Variants in AXL observed in about 807,000 individuals in gnomAD.
The protein encoded by AXL is tyrosine-protein kinase receptor UFO.
AXL carries 52 observed loss-of-function variants against 104.5 expected under a neutral mutation model. The observed-to-expected ratio is 0.50, with a 90% CI of 0.40 to 0.63. The LOEUF is 0.63. Ranked by LOEUF, AXL falls within the 20% of genes least tolerant of loss-of-function variation. AXL has a pLI of 0.00. For synonymous variants in AXL, 455 were observed against 473.7 expected (o/e 0.96, Z 0.51); for missense variants, 1,024 against 1,188.5 (o/e 0.86, Z 2.04).
intron 14 of AXL, among the ~76,000 whole-genome samples, chr19:41,251,945 C>T (rs1163518691): frequency 6.6e-6 from 1 of 151,000 alleles, no homozygotes; most frequent in African/African-American, 2.4e-5. Context: ...AACCCCGTCT[C>T]TACTAAAAAT....
intron 4 of AXL, among the ~76,000 whole-genome samples, chr19:41,229,985 G>A (rs1334713060): frequency 1.3e-5 from 2 of 152,066 alleles, no homozygotes; most frequent in African/African-American, 4.8e-5. Flanking sequence ...GTGTGTCTGT[G>A]TATGCTTTTG....
In AXL at chr19:41,219,451, G is replaced by T; in HGVS notation, c.59G>T (p.Cys20Phe). 7 of 1,606,902 alleles carry T rather than the reference G, an allele frequency of 4.4e-6. No individual in the cohort carries two copies. The highest frequency in any genetic ancestry group is 5.9e-6 in the Non-Finnish European group (7 of 1,176,994). Residue 20 changes from cysteine (C) to phenylalanine (F), a missense_variant, in exon 1 of 20, where the codon TGC becomes TTC. Coordinates refer to ENST00000301178, the MANE Select transcript of AXL (RefSeq NM_021913.5). ...CCGCTGGCCTGGTGCTTGGCGCTGT[G>T]CGGCTGGGCGTGCATGGCCCCCAGG... ...RVPLAWCLAL[C>F]GWACMAPRGT...
chr19:41,219,565 G>A, intron 1 of AXL, 88 bp downstream of exon 1: 2 of 1,443,552 alleles, frequency 1.4e-6, no homozygotes, highest in Non-Finnish European at 9.5e-7. Context: ...AGGTGTGGGG[G>A]GCCTGGGCTG....
At position 41,259,547 on chromosome 19, in the gene AXL, C is replaced by A; in HGVS notation, c.2334-6C>A. 1.9e-6 allele frequency: 3 copies of A among 1,588,054 alleles called. No homozygotes were observed. The highest frequency in any genetic ancestry group is 2.6e-6 in the Non-Finnish European group (3 of 1,165,534). Reference sequence around the variant, plus strand: ...CAATCTCCCACCCCTCATTTTGCTGCCCTAGGTATGCCTTGATGTCGCGGT... The same window carrying A: ...CAATCTCCCACCCCTCATTTTGCTGACCTAGGTATGCCTTGATGTCGCGGT... On this transcript the variant is annotated splice_region_variant and splice_polypyrimidine_tract_variant and intron_variant, in intron 19 of 19. Coordinates refer to ENST00000301178, the MANE Select transcript of AXL (RefSeq NM_021913.5).
In AXL at chr19:41,257,523, G is replaced by A. The variant is rs766261407; in HGVS notation, c.2227G>A (p.Ala743Thr). The change falls in exon 19 of 20, where the codon GCC becomes ACC. Residue 743 changes from alanine to threonine, a missense_variant. Ala to Thr is a moderately conservative substitution (Grantham distance 58). This residue lies in a region of AXL where 523 missense variants were observed against 636.0 expected (regional missense o/e 0.82). Transcript: ENST00000301178. ...WSFGVTMWEI[A>T]TRGQTPYPGV... ...CTTCGGGGTGACAATGTGGGAGATT[G>A]CCACAAGAGGCCAAACCCCATATCC... is the stretch of plus-strand genomic sequence containing the variant. 1 of 1,613,986 alleles carries A rather than the reference G, an allele frequency of 6.2e-7. No homozygotes were observed. Among genetic ancestry groups the A allele is most frequent in the African/African-American group, 1.3e-5 (1 of 74,894 alleles).
chr19:41,243,478 G>GCC (rs774825234), intron 11 of AXL, 138 bp from the exon 12 acceptor site: 11 of 745,768 alleles, frequency 1.5e-5, no homozygotes, highest in Non-Finnish European at 2.4e-5. Flanking sequence ...GAAGGTAGCT[G>GCC]CCCAAGGCAT....
At chr19:41,234,634 C>T (rs1474384645) in intron 6 of AXL, among the ~76,000 whole-genome samples, 2 of 152,142 alleles carry the variant, frequency 1.3e-5, no homozygotes, top group African/African-American at 4.8e-5. Flanking sequence ...GTCATTAAAC[C>T]TTATACCCTG....
Position 41,253,597 on chromosome 19 carries a change from AGTACCT to A in AXL, c.1927_1932del (p.Tyr643_Leu644del). The A allele has an allele frequency of 1.2e-6, 2 of 1,612,148 alleles. No homozygotes were observed. The highest frequency in any genetic ancestry group is 1.7e-6 in the Non-Finnish European group (2 of 1,178,904). On this transcript the variant is annotated splice_acceptor_variant and coding_sequence_variant, in exon 17 of 20. Transcript: ENST00000301178. LOFTEE classifies it high-confidence loss of function. ...CTCCTCCCACCTGCCTTGGCTCCCC[AGTACCT>A]GCCCACTCAGATGCTAGTGAAGTTC...
At chr19:41,223,532 C>G (rs952285258) in intron 4 of AXL, among the ~76,000 whole-genome samples, 4 of 152,158 alleles carry the variant, frequency 2.6e-5, no homozygotes, top group Non-Finnish European at 1.5e-5. Context: ...AGGCTGCAGC[C>G]TGGAGGGCAT....
chr19:41,247,920 A>G (rs1300413544), intron 12 of AXL, among the ~76,000 whole-genome samples: 2 of 145,740 alleles, frequency 1.4e-5, no homozygotes, highest in Non-Finnish European at 3.0e-5. Context: ...ATTTTATTTT[A>G]TTTTATTTTA....
At chr19:41,257,201 G>A (rs947929444) in intron 18 of AXL, among the ~76,000 whole-genome samples, 9 of 152,092 alleles carry the variant, frequency 5.9e-5, no homozygotes, top group East Asian at 1.9e-4. Context: ...CCACCACCAT[G>A]CCTAGCTAAT....
At chr19:41,251,745 C>T (rs991961946) in intron 14 of AXL, among the ~76,000 whole-genome samples, 2 of 150,448 alleles carry the variant, frequency 1.3e-5, no homozygotes, top group African/African-American at 4.9e-5. Context: ...AAAACAAAAA[C>T]AAAACAAAAC....
chr19:41,225,996 T>G (rs564246381), intron 4 of AXL, among the ~76,000 whole-genome samples: 1 of 152,162 alleles, frequency 6.6e-6, no homozygotes, highest in South Asian at 2.1e-4. Context: ...TCAGGACATC[T>G]GGAAAGCACA....
At position 41,225,414 on chromosome 19, in the gene AXL, G is replaced by A. The variant is rs530793263; in HGVS notation, c.586+3358G>A. 3.9e-5 allele frequency among the ~76,000 whole-genome samples: 6 copies of A among 152,324 alleles called. No individual in the cohort carries two copies. The South Asian group carries it at 1.0e-3, about 26-fold the overall frequency. ...TTGGCTGTGAGGTGTACGCGTCGGT[G>A]TGTCTGTGTCTGAGCAGGTCAAAAT... On this transcript the variant is annotated intron_variant, in intron 4 of 19. Coordinates refer to ENST00000301178, the MANE Select transcript of AXL (RefSeq NM_021913.5).
chr19:41,220,674 G>C lies in AXL; in HGVS notation c.124G>C (p.Gly42Arg), dbSNP rs2122195321. 1.9e-6 allele frequency: 3 copies of C among 1,606,854 alleles called. No individual in the cohort carries two copies. Among genetic ancestry groups the C allele is most frequent in the Non-Finnish European group, 2.5e-6 (3 of 1,176,820 alleles). Residue 42 changes from glycine (G) to arginine (R), a missense_variant, in exon 2 of 20, where the codon GGG (glycine) becomes CGG (arginine). Physicochemically the swap from Gly to Arg is moderately radical, Grantham distance 125 (BLOSUM62 -2). Transcript: ENST00000301178. ...AEESPFVGNP[G>R]NITGARGLTG... The stretch of plus-strand genomic sequence containing the variant: ...AGAAAGTCCCTTCGTGGGCAACCCA[G>C]GGAATATCACAGGTGCCCGGGGACT...
chr19:41,224,957 T>G (rs1385632339), intron 4 of AXL, among the ~76,000 whole-genome samples: 1 of 152,234 alleles, frequency 6.6e-6, no homozygotes, highest in Non-Finnish European at 1.5e-5. Context: ...TCCATCCTTG[T>G]GTGTCTGCAT....
chr19:41,258,871 G>T (rs1435351649), intron 19 of AXL, among the ~76,000 whole-genome samples: 1 of 152,216 alleles, frequency 6.6e-6, no homozygotes, highest in Non-Finnish European at 1.5e-5. Flanking sequence ...TTTGGTTCAG[G>T]ATCTCTAATG....
chr19:41,258,892 G>A (rs566873596), intron 19 of AXL, among the ~76,000 whole-genome samples: 1 of 152,334 alleles, frequency 6.6e-6, no homozygotes, highest in East Asian at 1.9e-4. Flanking sequence ...AAGTTACAAA[G>A]ATATCACTGG....
intron 4 of AXL, among the ~76,000 whole-genome samples, chr19:41,225,617 G>T (rs2033865618): frequency 6.6e-6 from 1 of 152,184 alleles, no homozygotes; most frequent in Non-Finnish European, 1.5e-5. Context: ...GTGTGACTGT[G>T]TGTTTATGTG....
Sources: allele counts gnomAD v4.1 joint callset (sites outside exome capture counted in the v4.1 genomes callset), GRCh38; gene constraint gnomAD v4.1.1; regional missense constraint gnomAD v4.1.1; transcripts MANE v1.5; gene names NCBI Gene and HGNC (gene_info 2026-07-23, HGNC 2026-07-21).